NDUFAF3: variants seen among roughly 807,000 people sequenced by gnomAD.
NDUFAF3 encodes the protein NADH:ubiquinone oxidoreductase complex assembly factor 3.
NDUFAF3 carries 21 observed loss-of-function variants against 22.6 expected under a neutral mutation model. The ratio of observed to expected loss-of-function variants is 0.93; its 90% CI spans 0.66 to 1.34. NDUFAF3 has a LOEUF of 1.34. Among genes scored for constraint, NDUFAF3 ranks in the 40% most tolerant of loss-of-function variants. The pLI, the probability that NDUFAF3 is intolerant of heterozygous loss-of-function variation, is 0.00. For synonymous variants in NDUFAF3, 113 were observed against 104.9 expected (o/e 1.08, Z -0.47); for missense variants, 251 against 248.4 (o/e 1.01, Z -0.07).
chr3:49,020,647 C>T (rs1174792182), upstream of NDUFAF3: 1 of 488,772 alleles, frequency 2.0e-6, no homozygotes, highest in South Asian at 1.5e-5. Flanking sequence ...GAAATCCAAG[C>T]GCAGCTGGAA....
rs890177943 is a variant in NDUFAF3 at position 49,022,902 on chromosome 3, C to T, written c.364C>T (p.Arg122Trp). 3.1e-6 allele frequency: 5 copies of T among 1,613,848 alleles called. No individual in the cohort carries two copies. The Admixed American group carries it at 6.7e-5, about 22-fold the overall frequency. Residue 122 changes from arginine (R) to tryptophan (W), a missense_variant, in exon 4 of 5, where the codon CGG becomes TGG. By Grantham distance (101) the Arg-to-Trp change is moderately radical. Transcript: ENST00000326925. The surrounding 1 kb of genome is among the most constrained non-coding windows in gnomAD (Gnocchi z 6.6). ...IEIVVVGTGD[R>W]TERLQSQVLQ... The stretch of plus-strand genomic sequence containing the variant: ...GATCGTGGTGGTGGGGACTGGAGAC[C>T]GGACCGAGAGGCTGCAGTCCCAGGT...
Position 49,022,685 on chromosome 3 carries a change from G to C in NDUFAF3, c.271-17G>C. On this transcript the variant is annotated splice_polypyrimidine_tract_variant and intron_variant, in intron 2 of 4. Coordinates refer to ENST00000326925, the MANE Select transcript of NDUFAF3 (RefSeq NM_199069.2). The surrounding 1 kb of genome is among the most constrained non-coding windows in gnomAD (Gnocchi z 6.6). ...TGCGTGGATTTGTCGTATTAAATGT[G>C]CCTCCTCCCTGCACAGGTGGGATCC... 1 of 1,614,088 alleles carries C rather than the reference G, an allele frequency of 6.2e-7. No individual in the cohort carries two copies. The highest frequency in any genetic ancestry group is 8.5e-7 in the Non-Finnish European group (1 of 1,180,016).
chr3:49,022,671 G>A lies in NDUFAF3; in HGVS notation c.271-31G>A. 2 of 1,613,958 alleles carry A rather than the reference G, an allele frequency of 1.2e-6. No individual in the cohort carries two copies. The highest frequency in any genetic ancestry group is 1.7e-6 in the Non-Finnish European group (2 of 1,179,938). On this transcript the variant is annotated intron_variant, in intron 2 of 4. Coordinates refer to ENST00000326925, the MANE Select transcript of NDUFAF3 (RefSeq NM_199069.2). This position sits in a 1 kb window ranked among gnomAD's most constrained non-coding sequence, Gnocchi z 6.6. ...AGATGGGGAGAGGCTGCGTGGATTTGTCGTATTAAATGTGCCTCCTCCCTG... is the reference window on the plus strand; with the variant it reads ...AGATGGGGAGAGGCTGCGTGGATTTATCGTATTAAATGTGCCTCCTCCCTG...
At chr3:49,020,917 G>A (rs1020814483), upstream of NDUFAF3, 5 of 261,358 alleles carry the variant, frequency 1.9e-5, no homozygotes, top group Non-Finnish European at 3.2e-5. Context: ...GATTAGATCC[G>A]TGGGGCAGGA....
Position 49,022,173 on chromosome 3 carries a change from T to C in NDUFAF3, c.29T>C (p.Leu10Ser), listed in dbSNP as rs2093164784. 1 of 1,610,456 alleles carries C rather than the reference T, an allele frequency of 6.2e-7. No homozygotes were observed. Residue 10 changes from leucine to serine, a missense_variant, in exon 1 of 5, where the codon TTG becomes TCG. Leu to Ser is a moderately radical substitution (Grantham distance 145, BLOSUM62 -2). Coordinates refer to ENST00000326925, the MANE Select transcript of NDUFAF3 (RefSeq NM_199069.2). This position sits in a 1 kb window ranked among gnomAD's most constrained non-coding sequence, Gnocchi z 6.6. ...GCCACCGCTCTCGCGCTACGTAGCT[T>C]GTACCGAGCGCGACCCTCGCTGCGC... is the stretch of plus-strand genomic sequence containing the variant. MATALALRS[L>S]YRARPSLRCP...
chr3:49,022,572 CCA>C lies in NDUFAF3; in HGVS notation c.270+35_270+36del. ...TGGCCCGCAGTGTGGAAACTGAGGC[CCA>C]GAGTCACAGGCCCTCACCCTGCTTG... On this transcript the variant is annotated intron_variant, in intron 2 of 4. Transcript: ENST00000326925. The surrounding 1 kb of genome is among the most constrained non-coding windows in gnomAD (Gnocchi z 6.6). 1 of 1,613,464 alleles carries C rather than the reference CCA, an allele frequency of 6.2e-7. No individual in the cohort carries two copies. The highest frequency in any genetic ancestry group is 8.5e-7 in the Non-Finnish European group (1 of 1,179,888).
chr3:49,022,831 G>A lies in NDUFAF3; in HGVS notation c.338-45G>A, dbSNP rs745780082. On this transcript the variant is annotated intron_variant, in intron 3 of 4. Transcript: ENST00000326925. The surrounding 1 kb of genome is among the most constrained non-coding windows in gnomAD (Gnocchi z 6.6). ...GCCCCAGAAGGCGACCCCCACTGCA[G>A]CCTCTCAACAGAACTGTAGACTAGC... is the stretch of plus-strand genomic sequence containing the variant. The A allele has an allele frequency of 4.3e-6, 7 of 1,613,320 alleles. No individual in the cohort carries two copies. In the East Asian group the frequency reaches 1.3e-4, roughly 31 times the overall value.
At chr3:49,020,903 T>A (rs896381935), upstream of NDUFAF3, 1 of 282,226 alleles carries the variant, frequency 3.5e-6, no homozygotes, top group Non-Finnish European at 7.4e-6. Context: ...CGGGTCCCGA[T>A]CCGGATTAGA....
In NDUFAF3 at chr3:49,022,614, G is replaced by T. The variant is rs982300348; in HGVS notation, c.270+76G>T. 1 of 1,613,340 alleles carries T rather than the reference G, an allele frequency of 6.2e-7. No individual in the cohort carries two copies. The highest frequency in any genetic ancestry group is 1.3e-5 in the African/African-American group (1 of 75,018). On this transcript the variant is annotated intron_variant, in intron 2 of 4. Transcript: ENST00000326925. This position sits in a 1 kb window ranked among gnomAD's most constrained non-coding sequence, Gnocchi z 6.6. The stretch of plus-strand genomic sequence containing the variant: ...CACCCTGCTTGGTCCCTGCAAACTT[G>T]GCTTTCCTCTGTCTCCTCCTGCAGT...
rs749367620 is a variant in NDUFAF3, at chr3:49,022,328, G to C, written c.78-18G>C. 1 of 1,610,338 alleles carries C rather than the reference G, an allele frequency of 6.2e-7. No homozygotes were observed. Among genetic ancestry groups the C allele is most frequent in the Non-Finnish European group, 8.5e-7 (1 of 1,179,612 alleles). ...CTGCCCGGCCCGGCCCCGCGCCCCT[G>C]ACCCTTTCCCTCCGCAGGGCCCCGC... On this transcript the variant is annotated intron_variant, in intron 1 of 4. Transcript: ENST00000326925. This position sits in a 1 kb window ranked among gnomAD's most constrained non-coding sequence, Gnocchi z 6.6.
At chr3:49,021,611 T>G (rs771078610), upstream of NDUFAF3, 2 of 158,050 alleles carry the variant, frequency 1.3e-5, no homozygotes, top group African/African-American at 4.8e-5. This position sits in a 1 kb window ranked among gnomAD's most constrained non-coding sequence, Gnocchi z 4.1. Context: ...CTCCGCGCGC[T>G]GCGGAGAGGC....
chr3:49,021,982 GGCCTCCTAAGACTGAGGACACTC>G (rs1340313265), upstream of NDUFAF3: 1 of 699,822 alleles, frequency 1.4e-6, no homozygotes, highest in African/African-American at 1.8e-5. The surrounding 1 kb of genome is among the most constrained non-coding windows in gnomAD (Gnocchi z 4.1). Context: ...CGGGGAACTC[GGCCTCCTAAGACTGAGGACACTC>G]GCCTGCTGGG....
Position 49,023,142 on chromosome 3 carries a change from ACTTACAT to A in NDUFAF3, c.529_535del (p.Thr177TrpfsTer67). The A allele has an allele frequency of 6.2e-7, 1 of 1,614,016 alleles. No individual in the cohort carries two copies. Among genetic ancestry groups the A allele is most frequent in the Non-Finnish European group, 8.5e-7 (1 of 1,180,004 alleles). On this transcript the variant is annotated frameshift_variant, in exon 5 of 5. Coordinates refer to ENST00000326925, the MANE Select transcript of NDUFAF3 (RefSeq NM_199069.2). LOFTEE classifies it low-confidence loss of function (END_TRUNC). ...TCATCCCTCCACCAGGAGGGACTTC[ACTTACAT>A]CTTTGGGCCAAGCTGCTCAATGAAC...
chr3:49,022,892 G>T lies in NDUFAF3; in HGVS notation c.354G>T (p.Gly118=). ...CTTCCCTAGAGATCGTGGTGGTGGGGACTGGAGACCGGACCGAGAGGCTGC... is the reference window on the plus strand; with the variant it reads ...CTTCCCTAGAGATCGTGGTGGTGGGTACTGGAGACCGGACCGAGAGGCTGC... ...LEPRIEIVVV[G]TGDRTERLQS... Residue 118 remains glycine (G), a synonymous_variant, in exon 4 of 5, where the codon GGG becomes GGT. Coordinates refer to ENST00000326925, the MANE Select transcript of NDUFAF3 (RefSeq NM_199069.2). The surrounding 1 kb of genome is among the most constrained non-coding windows in gnomAD (Gnocchi z 6.6). The T allele has an allele frequency of 6.2e-7, 1 of 1,614,032 alleles. No individual in the cohort carries two copies.
chr3:49,022,807 C>T lies in NDUFAF3; in HGVS notation c.337+39C>T, dbSNP rs1367819379. 2 of 1,613,018 alleles carry T rather than the reference C, an allele frequency of 1.2e-6. No homozygotes were observed. The highest frequency in any genetic ancestry group is 1.7e-6 in the Non-Finnish European group (2 of 1,179,428). On this transcript the variant is annotated intron_variant, in intron 3 of 4. Transcript: ENST00000326925. The surrounding 1 kb of genome is among the most constrained non-coding windows in gnomAD (Gnocchi z 6.6). ...GGAGGGAGAACAGAGGTGTTCTGGG[C>T]CCCAGAAGGCGACCCCCACTGCAGC...
rs1305516436 is a variant in NDUFAF3, at chr3:49,022,392, T to C, written c.124T>C (p.Tyr42His). The change falls in exon 2 of 5, where the codon TAT (tyrosine) becomes CAT (histidine). Residue 42 changes from tyrosine to histidine, a missense_variant. Tyr to His is a moderately conservative substitution (Grantham distance 83, BLOSUM62 2). Transcript: ENST00000326925. This position sits in a 1 kb window ranked among gnomAD's most constrained non-coding sequence, Gnocchi z 6.6. ...GCTCTCGCCGGCGGATGACGAGCTG[T>C]ATCAGCGGACGCGCATCTCTCTGCT... ...HRLSPADDEL[Y>H]QRTRISLLQR... 1 of 1,612,814 alleles carries C rather than the reference T, an allele frequency of 6.2e-7. No individual in the cohort carries two copies. Among genetic ancestry groups the C allele is most frequent in the South Asian group, 1.1e-5 (1 of 91,080 alleles).
In NDUFAF3 at chr3:49,022,536, A is replaced by T. The variant is rs1220792562; in HGVS notation, c.268A>T (p.Asn90Tyr). 1 of 1,613,264 alleles carries T rather than the reference A, an allele frequency of 6.2e-7. No individual in the cohort carries two copies. The highest frequency in any genetic ancestry group is 1.7e-5 in the Admixed American group (1 of 60,018). Reference sequence around the variant, plus strand: ...GCTCCCGCACTCGGTGGTGCAGTGGAACGTGAGTCCTGGCCCGCAGTGTGG... The same window carrying T: ...GCTCCCGCACTCGGTGGTGCAGTGGTACGTGAGTCCTGGCCCGCAGTGTGG... The part of the protein sequence containing the change: ...ALLPHSVVQW[N>Y]VGSHQDITED... The change falls in exon 2 of 5, where the codon AAC becomes TAC. Residue 90 changes from asparagine (N) to tyrosine (Y), a missense_variant and splice_region_variant. Coordinates refer to ENST00000326925, the MANE Select transcript of NDUFAF3 (RefSeq NM_199069.2). This position sits in a 1 kb window ranked among gnomAD's most constrained non-coding sequence, Gnocchi z 6.6.
Position 49,022,886 on chromosome 3 carries a change from G to A in NDUFAF3, c.348G>A (p.Val116=). ...CCCACCCTTCCCTAGAGATCGTGGT[G>A]GTGGGGACTGGAGACCGGACCGAGA... The part of the protein sequence containing the change: ...WLLEPRIEIV[V]VGTGDRTERL... The change falls in exon 4 of 5, where the codon GTG becomes GTA. Residue 116 remains valine, a synonymous_variant. Transcript: ENST00000326925. The surrounding 1 kb of genome is among the most constrained non-coding windows in gnomAD (Gnocchi z 6.6). The A allele has an allele frequency of 6.2e-7, 1 of 1,614,058 alleles. No individual in the cohort carries two copies. Among genetic ancestry groups the A allele is most frequent in the Non-Finnish European group, 8.5e-7 (1 of 1,180,034 alleles).
In NDUFAF3 at chr3:49,022,438, C is replaced by T; in HGVS notation, c.170C>T (p.Ala57Val). The part of the protein sequence containing the change: ...ISLLQREAAQ[A>V]MYIDSYNSRG... ...CTGCTGCAACGCGAGGCCGCTCAGGCAATGTACATCGACAGCTACAACAGC... is the reference window on the plus strand; with the variant it reads ...CTGCTGCAACGCGAGGCCGCTCAGGTAATGTACATCGACAGCTACAACAGC... Residue 57 changes from alanine to valine, a missense_variant, in exon 2 of 5, where the codon GCA becomes GTA. By Grantham distance (64) the Ala-to-Val change is moderately conservative. Transcript: ENST00000326925. The surrounding 1 kb of genome is among the most constrained non-coding windows in gnomAD (Gnocchi z 6.6). 6.2e-7 allele frequency: 1 copy of T among 1,613,060 alleles called. No individual in the cohort carries two copies. Among genetic ancestry groups the T allele is most frequent in the Non-Finnish European group, 8.5e-7 (1 of 1,180,030 alleles).
Sources: gnomAD v4.1 joint callset for allele counts on GRCh38, gnomAD v4.1.1 for gene constraint, Gnocchi (gnomAD v3.1) non-coding constraint, MANE v1.5 for transcripts, NCBI Gene and HGNC (gene_info 2026-07-23, HGNC 2026-07-21) for gene names.